GTPBP10: variants seen among roughly 807,000 people sequenced by gnomAD.
The protein encoded by GTPBP10 is GTP-binding protein 10.
In GTPBP10, 38 loss-of-function variants were observed where a neutral mutation model predicts 44.8. The observed-to-expected ratio is 0.85, with a 90% CI of 0.65 to 1.11. The LOEUF is 1.11. Among genes scored for constraint, GTPBP10 ranks in the 50% most tolerant of loss-of-function variants. The probability of loss-of-function intolerance (pLI) is 0.00; values close to 1 mark genes in which losing one functional copy is unlikely to be tolerated. For synonymous variants in GTPBP10, 152 were observed against 150.6 expected, an observed-to-expected ratio of 1.01 and a Z score of -0.07; for missense variants, 462 against 453.7, an observed-to-expected ratio of 1.02 and a Z score of -0.17.
chr7:90,382,714 A>G (rs1039126869), intron 8 of GTPBP10, among the ~76,000 whole-genome samples: 1 of 152,206 alleles, frequency 6.6e-6, no homozygotes, highest in Non-Finnish European at 1.5e-5. Flanking sequence ...CCAGATACCC[A>G]TATTTGACTC....
At chr7:90,380,212 G>A (rs1421228523) in intron 8 of GTPBP10, among the ~76,000 whole-genome samples, 1 of 151,630 alleles carries the variant, frequency 6.6e-6, no homozygotes, top group Non-Finnish European at 1.5e-5. Context: ...CCCAGTAGCT[G>A]GGATTACAGG....
chr7:90,347,250 A>G (rs1795695342), intron 1 of GTPBP10, among the ~76,000 whole-genome samples: 1 of 152,208 alleles, frequency 6.6e-6, no homozygotes, highest in South Asian at 2.1e-4. Flanking sequence ...TCGTTTCCGT[A>G]AAAATTTACA....
chr7:90,370,835 C>T (rs1016675078), intron 4 of GTPBP10, among the ~76,000 whole-genome samples: 3 of 151,946 alleles, frequency 2.0e-5, no homozygotes, highest in Non-Finnish European at 4.4e-5. Context: ...GAAACCCCAT[C>T]TCTACTGAAA....
chr7:90,378,892 A>G (rs1480172232), intron 8 of GTPBP10, among the ~76,000 whole-genome samples: 2 of 152,000 alleles, frequency 1.3e-5, no homozygotes, highest in East Asian at 3.9e-4. Flanking sequence ...TAGTAGAGAC[A>G]GGGTTTCACC....
At chr7:90,371,480 G>A (rs1685288326) in intron 4 of GTPBP10, among the ~76,000 whole-genome samples, 1 of 152,184 alleles carries the variant, frequency 6.6e-6, no homozygotes, top group Non-Finnish European at 1.5e-5. Context: ...AAAAGAGCAT[G>A]TTAAGTGTCC....
At chr7:90,373,559 A>C (rs1796297029) in intron 5 of GTPBP10, among the ~76,000 whole-genome samples, 1 of 152,222 alleles carries the variant, frequency 6.6e-6, no homozygotes, top group Non-Finnish European at 1.5e-5. Context: ...TATTTGTTAT[A>C]ATATATGTAG....
At chr7:90,380,605 A>G (rs1029423084) in intron 8 of GTPBP10, among the ~76,000 whole-genome samples, 3 of 152,154 alleles carry the variant, frequency 2.0e-5, no homozygotes, top group African/African-American at 7.2e-5. Context: ...AAATGATTGA[A>G]TCAAGCTAAT....
At chr7:90,370,146 G>T (rs540786797) in intron 4 of GTPBP10, among the ~76,000 whole-genome samples, 144 of 152,164 alleles carry the variant, frequency 9.5e-4, no homozygotes, top group African/African-American at 3.4e-3. Flanking sequence ...ACAGTATGGA[G>T]ATTTCTCAAA....
chr7:90,368,472 G>A (rs144735581), intron 4 of GTPBP10, among the ~76,000 whole-genome samples: 2,144 of 152,182 alleles, frequency 0.014, 59 homozygotes, highest in African/African-American at 0.049. Context: ...TTTCTTGGAG[G>A]CTTTGTTCAT....
chr7:90,379,914 A>G (rs920673146), intron 8 of GTPBP10, among the ~76,000 whole-genome samples: 1 of 152,158 alleles, frequency 6.6e-6, no homozygotes, highest in Non-Finnish European at 1.5e-5. Context: ...ATTTCTCTTA[A>G]GACTAATGAT....
intron 6 of GTPBP10, among the ~76,000 whole-genome samples, chr7:90,376,029 A>G (rs1332836530): frequency 1.3e-5 from 2 of 151,248 alleles, no homozygotes; most frequent in Non-Finnish European, 2.9e-5. Flanking sequence ...GATCGAGACC[A>G]TCCTGGCTAA....
At position 90,385,609 on chromosome 7, in the gene GTPBP10, C is replaced by A. The variant is rs111977729; in HGVS notation, c.*455C>A. ...ACACATGATAAATCCAGTTTTTCTA[C>A]GTCATTTTTTAAAATTATATTTAAT... On this transcript the variant is annotated 3_prime_UTR_variant, in exon 10 of 10. Transcript: ENST00000222511. The A allele has an allele frequency of 6.6e-6, 1 of 152,064 alleles. No individual in the cohort carries two copies. Among genetic ancestry groups the A allele is most frequent in the East Asian group, 1.9e-4 (1 of 5,204 alleles). 9.4% of individuals were successfully genotyped at this position (152,064 alleles called of 1,614,324 possible).
At chr7:90,364,689 A>G (rs1584636013) in intron 4 of GTPBP10, among the ~76,000 whole-genome samples, 2 of 152,106 alleles carry the variant, frequency 1.3e-5, no homozygotes, top group East Asian at 3.9e-4. Context: ...GTCTGCAGAG[A>G]TTTCTGCTGC....
chr7:90,360,516 A>G (rs1448626121), intron 4 of GTPBP10, among the ~76,000 whole-genome samples: 2 of 152,208 alleles, frequency 1.3e-5, no homozygotes, highest in South Asian at 4.1e-4. Context: ...TTTTGGTACC[A>G]GTACCATGCT....
Position 90,385,463 on chromosome 7 carries a change from A to G in GTPBP10, c.*309A>G, listed in dbSNP as rs17865851. On this transcript the variant is annotated 3_prime_UTR_variant, in exon 10 of 10. Transcript: ENST00000222511. The stretch of plus-strand genomic sequence containing the variant: ...AGCTTGGTGACTGTAATTAACAACA[A>G]TGTATTTTGAAAGTCACTGAGTAAA... The G allele has an allele frequency of 2.0e-3, 392 of 193,198 alleles. 2 individuals are homozygous for G. The highest frequency in any genetic ancestry group is 8.1e-3 in the African/African-American group (346 of 42,940). The allele number at this position is 193,198 out of a possible 1,614,324, so 12.0% of individuals were successfully genotyped here.
chr7:90,369,928 G>T (rs1796225273), intron 4 of GTPBP10, among the ~76,000 whole-genome samples: 1 of 151,710 alleles, frequency 6.6e-6, no homozygotes, highest in Non-Finnish European at 1.5e-5. Flanking sequence ...GTAGACCAGA[G>T]CTGTTCCTAT....
intron 4 of GTPBP10, among the ~76,000 whole-genome samples, chr7:90,357,615 G>A (rs753230612): frequency 1.3e-4 from 20 of 152,004 alleles, no homozygotes; most frequent in East Asian, 1.9e-4. Flanking sequence ...TTGAAGTACC[G>A]TCTTCAAATT....
intron 6 of GTPBP10, among the ~76,000 whole-genome samples, chr7:90,375,487 A>T (rs1464004766): frequency 1.3e-5 from 2 of 152,196 alleles, no homozygotes; most frequent in Admixed American, 6.5e-5. Flanking sequence ...AAAGAAACAT[A>T]AAAAAGTATT....
At chr7:90,367,518 C>T (rs1013155822) in intron 4 of GTPBP10, among the ~76,000 whole-genome samples, 1 of 152,098 alleles carries the variant, frequency 6.6e-6, no homozygotes, top group Non-Finnish European at 1.5e-5. Context: ...TGAATTGATC[C>T]CTTTACCATT....
Sources: gnomAD v4.1 joint callset for allele counts (sites outside exome capture counted in the v4.1 genomes callset) on GRCh38, gnomAD v4.1.1 for gene constraint, MANE v1.5 for transcripts, NCBI Gene and HGNC (gene_info 2026-07-23, HGNC 2026-07-21) for gene names.